LRRIQ3: variants seen among roughly 807,000 people sequenced by gnomAD.
The protein encoded by LRRIQ3 is leucine-rich repeat and IQ domain-containing protein 3.
Under a neutral mutation model 59.3 loss-of-function variants are expected in LRRIQ3, and 75 were observed. The observed-to-expected ratio is 1.26, with a 90% CI of 1.05 to 1.53. The LOEUF (loss-of-function observed/expected upper bound fraction) is 1.53. Among genes scored for constraint, LRRIQ3 ranks in the 40% most tolerant of loss-of-function variants. LRRIQ3 has a pLI of 0.00. For missense variants in LRRIQ3, 831 were observed against 710.0 expected (o/e 1.17, Z -1.94); for synonymous variants, 250 against 231.3 (o/e 1.08, Z -0.73).
intron 4 of LRRIQ3, among the ~76,000 whole-genome samples, chr1:74,134,890 C>T (rs1420857684): frequency 1.3e-5 from 2 of 151,742 alleles, no homozygotes; most frequent in Admixed American, 1.3e-4. Context: ...GATGTAAGTC[C>T]AGCTATATAA....
intron 5 of LRRIQ3, chr1:74,081,878 T>C (rs1646276442): frequency 6.6e-6 from 1 of 151,552 alleles, no homozygotes; most frequent in African/African-American, 2.4e-5. Context: ...AAAGCATTCG[T>C]TGCATTCTAC....
intron 4 of LRRIQ3, chr1:74,138,370 T>G (rs560322427): frequency 2.3e-6 from 1 of 444,100 alleles, no homozygotes; most frequent in Admixed American, 6.4e-5. Flanking sequence ...CTATTCCTTC[T>G]GAGTAAACTG....
intron 5 of LRRIQ3, among the ~76,000 whole-genome samples, chr1:74,087,324 T>C (rs1226057567): frequency 1.3e-5 from 2 of 151,656 alleles, no homozygotes; most frequent in African/African-American, 4.8e-5. Context: ...CATATAGTTT[T>C]CTTAGTTAGC....
chr1:74,198,080 C>T lies in LRRIQ3; in HGVS notation c.-85G>A, dbSNP rs1476998577. On this transcript the variant is annotated 5_prime_UTR_variant, in exon 1 of 8. Coordinates refer to ENST00000354431, the MANE Select transcript of LRRIQ3 (RefSeq NM_001105659.2). ...GTCAGACAAATCGCTGGGCGGCCATCTGCTCCTGAGACCGTTGCTAGAGAA... is the reference window on the plus strand; with the variant it reads ...GTCAGACAAATCGCTGGGCGGCCATTTGCTCCTGAGACCGTTGCTAGAGAA... 2 of 1,187,706 alleles carry T rather than the reference C, an allele frequency of 1.7e-6. No individual in the cohort carries two copies. Among genetic ancestry groups the T allele is most frequent in the East Asian group, 5.2e-5 (2 of 38,324 alleles). The allele number at this position is 1,187,706 out of a possible 1,614,324, so 73.6% of individuals were successfully genotyped here.
At chr1:74,099,303 T>C (rs1301458926) in intron 5 of LRRIQ3, among the ~76,000 whole-genome samples, 1 of 152,162 alleles carries the variant, frequency 6.6e-6, no homozygotes, top group Non-Finnish European at 1.5e-5. Context: ...CTAGAAAATC[T>C]AGAAGAAATG....
chr1:74,059,876 A>G lies in LRRIQ3; in HGVS notation c.997+14785T>C, dbSNP rs1654650795. On this transcript the variant is annotated intron_variant, in intron 6 of 7. Coordinates refer to ENST00000354431, the MANE Select transcript of LRRIQ3 (RefSeq NM_001105659.2). ...ATCTACTTTAATTCTTCAGTATAGAAGTCCTGTACTTCCTTCATTAAATTT... is the reference window on the plus strand; with the variant it reads ...ATCTACTTTAATTCTTCAGTATAGAGGTCCTGTACTTCCTTCATTAAATTT... Among the ~76,000 whole-genome samples the G allele has an allele frequency of 3.3e-5, 5 of 152,082 alleles. No homozygotes were observed. The South Asian group carries it at 1.0e-3, about 31-fold the overall frequency.
chr1:74,102,825 C>T (rs1175518113), intron 5 of LRRIQ3, among the ~76,000 whole-genome samples: 3 of 152,012 alleles, frequency 2.0e-5, no homozygotes, highest in Admixed American at 2.0e-4. Context: ...CTAGCACCCA[C>T]TTGCTGCTTT....
chr1:74,133,097 G>A (rs111258482), intron 4 of LRRIQ3, among the ~76,000 whole-genome samples: 25 of 152,044 alleles, frequency 1.6e-4, no homozygotes, highest in African/African-American at 3.1e-4. Flanking sequence ...TGCAGCCAAC[G>A]GACACATGAA....
At chr1:74,041,080 C>G in intron 7 of LRRIQ3, 133 bp downstream of exon 7, 1 of 724,202 alleles carries the variant, frequency 1.4e-6, no homozygotes, top group Non-Finnish European at 2.2e-6. Flanking sequence ...ATTATTTGTT[C>G]TTTGTTTTAA....
chr1:74,088,516 C>T (rs543581040), intron 5 of LRRIQ3, among the ~76,000 whole-genome samples: 126 of 151,996 alleles, frequency 8.3e-4, no homozygotes, highest in African/African-American at 2.9e-3. Flanking sequence ...AGGAATAAAT[C>T]CTTCAATATA....
intron 4 of LRRIQ3, among the ~76,000 whole-genome samples, chr1:74,118,540 G>C (rs534376563): frequency 1.3e-5 from 2 of 151,408 alleles, no homozygotes; most frequent in South Asian, 2.1e-4. Context: ...TTTCTCTCTC[G>C]GTCTCTTCCC....
chr1:74,162,458 C>A (rs150772284), intron 3 of LRRIQ3, among the ~76,000 whole-genome samples: 1 of 151,676 alleles, frequency 6.6e-6, no homozygotes, highest in East Asian at 1.9e-4. Flanking sequence ...TTCTATACTA[C>A]GTGCCTGAAA....
At chr1:74,056,130 G>C (rs1381699375) in intron 6 of LRRIQ3, among the ~76,000 whole-genome samples, 3 of 148,722 alleles carry the variant, frequency 2.0e-5, no homozygotes, top group Non-Finnish European at 4.4e-5. Context: ...CGGTGACAGA[G>C]TGAGAATCTG....
intron 3 of LRRIQ3, among the ~76,000 whole-genome samples, chr1:74,161,392 T>C (rs1648650761): frequency 6.6e-6 from 1 of 152,092 alleles, no homozygotes; most frequent in Non-Finnish European, 1.5e-5. Flanking sequence ...TATCCAGAGC[T>C]AATAATATTT....
intron 6 of LRRIQ3, among the ~76,000 whole-genome samples, chr1:74,044,009 T>A (rs1053198487): frequency 6.6e-6 from 1 of 152,160 alleles, no homozygotes; most frequent in South Asian, 2.1e-4. Flanking sequence ...ATTTTCCTTA[T>A]TGCTTAAAAA....
intron 3 of LRRIQ3, 196 bp downstream of exon 3, chr1:74,182,342 T>A: frequency 3.0e-6 from 1 of 333,780 alleles, no homozygotes; most frequent in Non-Finnish European, 5.3e-6. Context: ...TCAGGCTTTG[T>A]TTAATGTAGT....
chr1:74,186,218 A>C (rs1478642999), intron 1 of LRRIQ3, among the ~76,000 whole-genome samples: 1 of 151,976 alleles, frequency 6.6e-6, no homozygotes, highest in Non-Finnish European at 1.5e-5. Flanking sequence ...GATTCTCAAC[A>C]GTGCTATTAA....
intron 5 of LRRIQ3, among the ~76,000 whole-genome samples, chr1:74,097,101 C>T (rs1402368587): frequency 2.6e-5 from 4 of 151,928 alleles, no homozygotes; most frequent in African/African-American, 4.8e-5. Flanking sequence ...TTAAGTCTGC[C>T]GAGGTTTCTG....
At chr1:74,109,942 C>A (rs984837500) in intron 4 of LRRIQ3, among the ~76,000 whole-genome samples, 2 of 151,500 alleles carry the variant, frequency 1.3e-5, no homozygotes, top group African/African-American at 4.8e-5. Flanking sequence ...ACAGTTATTA[C>A]TATATCACAA....
Sources: allele counts gnomAD v4.1 joint callset (sites outside exome capture counted in the v4.1 genomes callset), GRCh38; gene constraint gnomAD v4.1.1; transcripts MANE v1.5; gene names NCBI Gene and HGNC (gene_info 2026-07-23, HGNC 2026-07-21).